The following VSIG10L2 variants were observed in gnomAD, a reference collection of about 807,000 sequenced individuals.
VSIG10L2 encodes the protein V-set and immunoglobulin domain containing 10 like 2.
In VSIG10L2, 56 loss-of-function variants were observed where a neutral mutation model predicts 67.1. The ratio of observed to expected loss-of-function variants is 0.83; its 90% CI spans 0.67 to 1.04. VSIG10L2 has a LOEUF of 1.04. VSIG10L2 is among the 50% of genes least tolerant of loss of function. The pLI is 0.00. For synonymous variants in VSIG10L2, 360 were observed against 396.6 expected (o/e 0.91, Z 1.10); for missense variants, 843 against 932.8 (o/e 0.90, Z 1.25).
In VSIG10L2 at chr11:125,946,785, G is replaced by A. The variant is rs1412320737; in HGVS notation, c.82+648G>A. 6.6e-6 allele frequency among the ~76,000 whole-genome samples: 1 copy of A among 152,162 alleles called. No homozygotes were observed. Among genetic ancestry groups the A allele is most frequent in the Non-Finnish European group, 1.5e-5 (1 of 68,028 alleles). On this transcript the variant is annotated intron_variant, in intron 1 of 11. Transcript: ENST00000686984. The surrounding 1 kb of genome is among the most constrained non-coding windows in gnomAD (Gnocchi z 4.4). ...ACTCCTGACCTCAGGTGATCTGCCCGCCTCAGCCTCCCAGAGTGCTGGGAT... is the reference window on the plus strand; with the variant it reads ...ACTCCTGACCTCAGGTGATCTGCCCACCTCAGCCTCCCAGAGTGCTGGGAT...
rs1945342916 is a variant in VSIG10L2, at chr11:125,949,884, A to T, written c.710-130A>T. ...TGGACTCTGAGCTCTAAGAGGGCCT[A>T]GCCTTGGGGTGGACACGGGCCAGTG... On this transcript the variant is annotated intron_variant, in intron 3 of 11. Coordinates refer to ENST00000686984, the MANE Select transcript of VSIG10L2 (RefSeq NM_001365077.2). 11 of 979,420 alleles carry T rather than the reference A, an allele frequency of 1.1e-5. No individual in the cohort carries two copies. In the Admixed American group the frequency reaches 4.7e-4, roughly 42 times the overall value. 60.7% of individuals were successfully genotyped at this position (979,420 alleles called of 1,614,324 possible).
chr11:125,952,752 A>C (rs1055301694), intron 6 of VSIG10L2, among the ~76,000 whole-genome samples: 4 of 152,244 alleles, frequency 2.6e-5, no homozygotes, highest in Admixed American at 6.5e-5. Context: ...AACCAGGAAA[A>C]AAGAATTAAA....
In VSIG10L2 at chr11:125,948,449, C is replaced by G; in HGVS notation, c.578C>G (p.Ala193Gly). The G allele has an allele frequency of 3.2e-6, 4 of 1,232,444 alleles. No homozygotes were observed. The highest frequency in any genetic ancestry group is 6.3e-5 in the East Asian group (2 of 31,702). The allele number at this position is 1,232,444 out of a possible 1,614,324, so 76.3% of individuals were successfully genotyped here. A position where few individuals can be genotyped will look rare whatever the true frequency, so the allele number is the denominator to read the frequency against. ...QHRAPRGLGE[A>G]LVGVTEPLFQ... is the part of the protein sequence containing the mutation. The stretch of plus-strand genomic sequence containing the variant: ...CGGGCACCCCGAGGCCTTGGAGAGG[C>G]CCTGGTGGGGGTCACTGAGCCACTA... Residue 193 changes from alanine to glycine, a missense_variant, in exon 3 of 12, where the codon GCC becomes GGC. Ala to Gly is a moderately conservative substitution (Grantham distance 60, BLOSUM62 0). This residue lies in a region of VSIG10L2 where 446 missense variants were observed against 548.4 expected (regional missense o/e 0.81). Coordinates refer to ENST00000686984, the MANE Select transcript of VSIG10L2 (RefSeq NM_001365077.2).
intron 6 of VSIG10L2, 41 bp from the exon 7 acceptor site, chr11:125,953,359 A>G: frequency 8.1e-7 from 1 of 1,231,496 alleles, no homozygotes. Context: ...CTTGTCCCCA[A>G]GCCCTCCCAC....
In VSIG10L2 at chr11:125,947,338, T is replaced by C. The variant is rs1945311840; in HGVS notation, c.83-348T>C. On this transcript the variant is annotated intron_variant, in intron 1 of 11. Coordinates refer to ENST00000686984, the MANE Select transcript of VSIG10L2 (RefSeq NM_001365077.2). ...GTTACAAATATGGATTCCTGGGCCC[T>C]GACCCCCTCACCACCACTGGGAGTG... 6 of 775,372 alleles carry C rather than the reference T, an allele frequency of 7.7e-6. No homozygotes were observed. The South Asian group carries it at 3.5e-4, about 45-fold the overall frequency. 48.0% of individuals were successfully genotyped at this position (775,372 alleles called of 1,614,324 possible). A position where few individuals can be genotyped will look rare whatever the true frequency, so the allele number is the denominator to read the frequency against.
intron 6 of VSIG10L2, among the ~76,000 whole-genome samples, chr11:125,952,546 CACT>C (rs1307347170): frequency 2.6e-5 from 4 of 152,192 alleles, no homozygotes; most frequent in Non-Finnish European, 5.9e-5. Context: ...CGTGGCTGGT[CACT>C]ACAATATTGG....
chr11:125,953,181 C>T (rs749660767), intron 6 of VSIG10L2, among the ~76,000 whole-genome samples: 10 of 152,132 alleles, frequency 6.6e-5, no homozygotes, highest in Non-Finnish European at 1.5e-4. Flanking sequence ...GGGAGGAACA[C>T]TGCTGATTTC....
At position 125,953,463 on chromosome 11, in the gene VSIG10L2, T is replaced by C. The variant is rs1945405700; in HGVS notation, c.1559T>C (p.Leu520Pro). ...GTGTTGGAGGGGGGAGAGGCCTGGC[T>C]GGAGTGCTCTCTCCGCGGGGGCACA... is the stretch of plus-strand genomic sequence containing the variant. ...VSVLEGGEAW[L>P]ECSLRGGTPP... Residue 520 changes from leucine to proline, a missense_variant, in exon 7 of 12, where the codon CTG becomes CCG. By Grantham distance (98) the Leu-to-Pro change is moderately conservative. Around this residue, in one of 2 missense-constraint regions of VSIG10L2, gnomAD observed 397 missense variants for 384.4 expected, o/e 1.03. Coordinates refer to ENST00000686984, the MANE Select transcript of VSIG10L2 (RefSeq NM_001365077.2). The C allele has an allele frequency of 5.7e-6, 7 of 1,232,314 alleles. No individual in the cohort carries two copies. The highest frequency in any genetic ancestry group is 7.1e-6 in the Non-Finnish European group (7 of 988,118). 76.3% of individuals were successfully genotyped at this position (1,232,314 alleles called of 1,614,324 possible).
intron 3 of VSIG10L2, 26 bp downstream of exon 3, chr11:125,948,606 T>C (rs990906652): frequency 8.1e-7 from 1 of 1,231,944 alleles, no homozygotes. Context: ...GTGGGGGGGC[T>C]GTCAGGGCTG....
Position 125,956,151 on chromosome 11 carries a change from G to T in VSIG10L2, c.*237G>T. On this transcript the variant is annotated 3_prime_UTR_variant, in exon 12 of 12. Coordinates refer to ENST00000686984, the MANE Select transcript of VSIG10L2 (RefSeq NM_001365077.2). ...ACAGAGGTGGCAGGACAAGGAAGAG[G>T]ACCCACAATGGGGAGACAGGGATCT... 1.5e-6 allele frequency: 1 copy of T among 652,692 alleles called. No homozygotes were observed. The highest frequency in any genetic ancestry group is 1.5e-5 in the South Asian group (1 of 66,276). 40.4% of individuals were successfully genotyped at this position (652,692 alleles called of 1,614,324 possible).
intron 6 of VSIG10L2, 35 bp downstream of exon 6, chr11:125,952,108 G>A (rs1565477454): frequency 2.0e-6 from 3 of 1,508,106 alleles, no homozygotes; most frequent in Non-Finnish European, 2.7e-6. Context: ...TCTGGGGCTG[G>A]GACAGGAGGA....
At position 125,955,085 on chromosome 11, in the gene VSIG10L2, G is replaced by A. The variant is rs963111495; in HGVS notation, c.2112G>A (p.Ala704=). The part of the protein sequence containing the change: ...PADPPFSAYP[A]VLGAAGTGMV... ...ACCCCCCCTTCAGCGCCTACCCAGC[G>A]GTGTTGGGTGCAGCAGGCACGGGAA... Residue 704 remains alanine (A), a synonymous_variant, in exon 9 of 12, where the codon GCG becomes GCA. Transcript: ENST00000686984. 125 of 1,236,486 alleles carry A rather than the reference G, an allele frequency of 1.0e-4. No homozygotes were observed. Among genetic ancestry groups the A allele is most frequent in the Admixed American group, 4.1e-5 (1 of 24,422 alleles). 76.6% of individuals were successfully genotyped at this position (1,236,486 alleles called of 1,614,324 possible).
intron 2 of VSIG10L2, 79 bp from the exon 3 acceptor site, chr11:125,948,226 C>T: frequency 8.1e-7 from 1 of 1,231,778 alleles, no homozygotes; most frequent in Non-Finnish European, 1.0e-6. Context: ...CCCCAGCCAG[C>T]AGGGGTGGGG....
At chr11:125,954,848 G>GT (rs1945432910) in intron 8 of VSIG10L2, among the ~76,000 whole-genome samples, 1 of 152,192 alleles carries the variant, frequency 6.6e-6, no homozygotes, top group African/African-American at 2.4e-5. Flanking sequence ...TGGCAGGAGA[G>GT]TCAAACCCCA....
intron 8 of VSIG10L2, 141 bp from the exon 9 acceptor site, chr11:125,954,916 T>C (rs1945435045): frequency 1.1e-6 from 1 of 900,214 alleles, no homozygotes; most frequent in Non-Finnish European, 1.5e-6. Flanking sequence ...TCCAGGATTC[T>C]CTGGGTCCCC....
chr11:125,947,350 C>A, intron 1 of VSIG10L2: 1 of 887,506 alleles, frequency 1.1e-6, no homozygotes, highest in Non-Finnish European at 1.3e-6. Context: ...ACCCCCTCAC[C>A]ACCACTGGGA....
At position 125,950,263 on chromosome 11, in the gene VSIG10L2, A is replaced by T; in HGVS notation, c.959A>T (p.Gln320Leu). The T allele has an allele frequency of 8.1e-7, 1 of 1,232,472 alleles. No homozygotes were observed. Among genetic ancestry groups the T allele is most frequent in the Non-Finnish European group, 1.0e-6 (1 of 988,202 alleles). The allele number at this position is 1,232,472 out of a possible 1,614,324, so 76.3% of individuals were successfully genotyped here. Residue 320 changes from glutamine to leucine, a missense_variant, in exon 4 of 12, where the codon CAG becomes CTG. Coordinates refer to ENST00000686984, the MANE Select transcript of VSIG10L2 (RefSeq NM_001365077.2). ...ARNSYLDTRT[Q>L]TTVQLTIYYP... ...AACAGCTACCTGGACACCCGCACCC[A>T]GACTACTGTCCAGCTCACCATCTAC...
Position 125,948,037 on chromosome 11 carries a change from G to A in VSIG10L2, c.433+1G>A, listed in dbSNP as rs1454610292. On this transcript the variant is annotated splice_donor_variant, in intron 2 of 11. Coordinates refer to ENST00000686984, the MANE Select transcript of VSIG10L2 (RefSeq NM_001365077.2). LOFTEE classifies it high-confidence loss of function. The stretch of plus-strand genomic sequence containing the variant: ...TCCCACCTCACGCTGGCTGTGCTGG[G>A]TGAGGGCCTGGCCCCAGCTGCAGCT... The A allele has an allele frequency of 1.4e-5, 17 of 1,232,490 alleles. No individual in the cohort carries two copies. The East Asian group carries it at 5.4e-4, about 39-fold the overall frequency. 76.3% of individuals were successfully genotyped at this position (1,232,490 alleles called of 1,614,324 possible).
chr11:125,947,736 C>T lies in VSIG10L2; in HGVS notation c.133C>T (p.Gln45Ter). The T allele has an allele frequency of 8.1e-7, 1 of 1,232,484 alleles. No individual in the cohort carries two copies. The highest frequency in any genetic ancestry group is 1.0e-6 in the Non-Finnish European group (1 of 988,232). The allele number at this position is 1,232,484 out of a possible 1,614,324, so 76.3% of individuals were successfully genotyped here. A position where few individuals can be genotyped will look rare whatever the true frequency, so the allele number is the denominator to read the frequency against. ...CCCTGTAGAGGAGGTGGTGTCTGTC[C>T]AGGGAGTGCGAGGTGGCTCCGTGGA... Reference protein sequence around the residue: ...EAPVEEVVSVQGVRGGSVELA... With the variant: ...EAPVEEVVSV Residue 45 changes from glutamine (Q) to a stop codon, truncating the protein, a stop_gained, in exon 2 of 12, where the codon CAG (glutamine) becomes TAG (stop). Coordinates refer to ENST00000686984, the MANE Select transcript of VSIG10L2 (RefSeq NM_001365077.2). LOFTEE classifies it high-confidence loss of function.
Sources: gnomAD v4.1 joint callset for allele counts (sites outside exome capture counted in the v4.1 genomes callset) on GRCh38, gnomAD v4.1.1 for gene constraint, gnomAD v4.1.1 regional missense constraint, Gnocchi (gnomAD v3.1) non-coding constraint, MANE v1.5 for transcripts, NCBI Gene and HGNC (gene_info 2026-07-23, HGNC 2026-07-21) for gene names.